SAMD12: variants seen among roughly 807,000 people sequenced by gnomAD.
SAMD12 encodes sterile alpha motif domain-containing protein 12.
In SAMD12, 9 loss-of-function variants were observed where a neutral mutation model predicts 15.0. That is an observed-to-expected ratio of 0.60 (90% CI 0.36 to 1.05). The LOEUF is 1.05. Ranked by LOEUF, SAMD12 falls within the 50% of genes least tolerant of loss-of-function variation. The pLI is 0.01. For synonymous variants in SAMD12, 86 were observed against 90.1 expected (o/e 0.96, Z 0.25); for missense variants, 230 against 234.2 (o/e 0.98, Z 0.12).
At chr8:118,487,475 C>T (rs968601989) in intron 2 of SAMD12, among the ~76,000 whole-genome samples, 1 of 152,156 alleles carries the variant, frequency 6.6e-6, no homozygotes, top group African/African-American at 2.4e-5. Flanking sequence ...GGAGTCCAGG[C>T]TTCTGCTACT....
chr8:118,417,624 A>C (rs1821768155), intron 3 of SAMD12, among the ~76,000 whole-genome samples: 1 of 152,374 alleles, frequency 6.6e-6, no homozygotes, highest in African/African-American at 2.4e-5. Context: ...CAATAGAGAT[A>C]ATGATAAAAT....
At position 118,342,990 on chromosome 8, in the gene SAMD12, G is replaced by A. The variant is rs146361243; in HGVS notation, c.433+36570C>T. On this transcript the variant is annotated intron_variant, in intron 4 of 4. Transcript: ENST00000409003. ...CTGACCCAGTGTGGAAAAAGTGCTA[G>A]GAGTAGGAAATAGGGTTCTAGCTCT... Among the ~76,000 whole-genome samples the A allele has an allele frequency of 4.7e-4, 72 of 152,246 alleles. 1 individual carries two copies. The highest frequency in any genetic ancestry group is 3.4e-3 in the Middle Eastern group (1 of 294).
chr8:118,561,386 T>C (rs973566326), intron 2 of SAMD12, among the ~76,000 whole-genome samples: 8 of 152,226 alleles, frequency 5.3e-5, no homozygotes, highest in Admixed American at 3.9e-4. Context: ...CTTTAACCTT[T>C]ATCATTTTCT....
chr8:118,135,485 G>T, the SAMD12 span, among the ~76,000 whole-genome samples: 5 of 151,588 alleles, frequency 3.3e-5, no homozygotes, highest in African/African-American at 9.7e-5. Flanking sequence ...TGGCCTATCA[G>T]GTAGATTCTT....
chr8:118,314,406 G>A (rs1236152740), intron 4 of SAMD12, among the ~76,000 whole-genome samples: 1 of 150,642 alleles, frequency 6.6e-6, no homozygotes, highest in Non-Finnish European at 1.5e-5. Context: ...AATTTTACAA[G>A]CACTTGTGTG....
At chr8:118,200,696 T>C (rs1470811570) in intron 4 of SAMD12, among the ~76,000 whole-genome samples, 1 of 152,230 alleles carries the variant, frequency 6.6e-6, no homozygotes, top group Non-Finnish European at 1.5e-5. Context: ...TAGTATTGTG[T>C]TCCTTTTGAA....
At chr8:118,505,702 A>C (rs1239418945) in intron 2 of SAMD12, among the ~76,000 whole-genome samples, 5 of 151,648 alleles carry the variant, frequency 3.3e-5, no homozygotes, top group Non-Finnish European at 7.4e-5. Flanking sequence ...ATATCTCGTA[A>C]GACGTTTAAG....
chr8:118,163,124 T>C, the SAMD12 span, among the ~76,000 whole-genome samples: 60 of 152,244 alleles, frequency 3.9e-4, no homozygotes, highest in African/African-American at 1.4e-3. Flanking sequence ...AAAAGTAGTT[T>C]CTTTTTTTGA....
chr8:118,344,323 A>G (rs1481495186), intron 4 of SAMD12, among the ~76,000 whole-genome samples: 2 of 152,158 alleles, frequency 1.3e-5, no homozygotes, highest in Non-Finnish European at 2.9e-5. Context: ...AAATACCACA[A>G]AGGCTTGTGT....
chr8:118,483,926 C>T (rs1468940909), intron 2 of SAMD12, among the ~76,000 whole-genome samples: 3 of 152,136 alleles, frequency 2.0e-5, no homozygotes, highest in African/African-American at 7.2e-5. Flanking sequence ...ATACACCAAG[C>T]GCCAACTCTA....
chr8:118,594,430 ACT>A (rs1827667742), intron 1 of SAMD12, among the ~76,000 whole-genome samples: 2 of 151,990 alleles, frequency 1.3e-5, no homozygotes, highest in Non-Finnish European at 2.9e-5. Flanking sequence ...ACCTATAGAA[ACT>A]CTGTGTCCCC....
chr8:118,549,308 A>G lies in SAMD12; in HGVS notation c.192+31407T>C, dbSNP rs543317407. ...GTAGGGGCAAACTGACACCTCACAC[A>G]GCCAGGTACTCCTCTGAGACAAAAC... On this transcript the variant is annotated intron_variant, in intron 2 of 3. Coordinates refer to ENST00000314727, the MANE Select transcript of SAMD12 (RefSeq NM_207506.3). Among the ~76,000 whole-genome samples the G allele has an allele frequency of 3.2e-3, 490 of 152,326 alleles. 2 individuals are homozygous for G. Among genetic ancestry groups the G allele is most frequent in the African/African-American group, 0.011 (461 of 41,578 alleles).
chr8:118,503,140 G>A (rs983491020), intron 2 of SAMD12, among the ~76,000 whole-genome samples: 6 of 152,086 alleles, frequency 3.9e-5, no homozygotes, highest in East Asian at 3.9e-4. Flanking sequence ...AAAATTATGC[G>A]AACATTAAAA....
At chr8:118,529,917 T>G (rs997752348) in intron 2 of SAMD12, among the ~76,000 whole-genome samples, 1 of 152,328 alleles carries the variant, frequency 6.6e-6, no homozygotes, top group Middle Eastern at 3.4e-3. Flanking sequence ...CTGGATCAAA[T>G]GATAGTTCTA....
At chr8:118,584,671 T>G (rs1033261165) in intron 1 of SAMD12, among the ~76,000 whole-genome samples, 1 of 152,184 alleles carries the variant, frequency 6.6e-6, no homozygotes, top group Non-Finnish European at 1.5e-5. Context: ...TCACAAACAT[T>G]GCTCTTAAAA....
chr8:118,365,980 G>A (rs1818746779), intron 4 of SAMD12, among the ~76,000 whole-genome samples: 1 of 152,050 alleles, frequency 6.6e-6, no homozygotes, highest in Non-Finnish European at 1.5e-5. Context: ...GATTGCTTGT[G>A]GATGAGTGTC....
At chr8:118,455,025 A>G (rs1026821551) in intron 2 of SAMD12, among the ~76,000 whole-genome samples, 1 of 152,154 alleles carries the variant, frequency 6.6e-6, no homozygotes. Flanking sequence ...AGCATCTTGG[A>G]AGAGTTGTAT....
chr8:118,420,210 G>A (rs776953569), intron 3 of SAMD12, among the ~76,000 whole-genome samples: 1 of 152,116 alleles, frequency 6.6e-6, no homozygotes, highest in Non-Finnish European at 1.5e-5. Context: ...AAAGAAAATC[G>A]GGACTCTTAC....
the SAMD12 span, among the ~76,000 whole-genome samples, chr8:118,138,730 AG>A: frequency 6.6e-6 from 1 of 152,248 alleles, no homozygotes; most frequent in African/African-American, 2.4e-5. Flanking sequence ...GCGAGATGGC[AG>A]GAACTGAAGA....
Sources: gnomAD v4.1 joint callset for allele counts (sites outside exome capture counted in the v4.1 genomes callset) on GRCh38, gnomAD v4.1.1 for gene constraint, MANE v1.5 for transcripts, NCBI Gene and HGNC (gene_info 2026-07-23, HGNC 2026-07-21) for gene names.